The following ADGRL3 variants were observed in gnomAD, a reference collection of about 807,000 sequenced individuals.
ADGRL3 encodes adhesion G protein-coupled receptor L3, also known as calcium-independent alpha-latrotoxin receptor 3.
A neutral mutation model predicts 153.5 loss-of-function variants in ADGRL3; 62 were observed. The observed-to-expected ratio is 0.40, with a 90% CI of 0.33 to 0.50. The LOEUF (loss-of-function observed/expected upper bound fraction) is 0.50, where lower values mean the gene tolerates loss of function less well. Ranked by LOEUF, ADGRL3 falls within the 20% of genes least tolerant of loss-of-function variation. ADGRL3 has a pLI of 0.47. For synonymous variants in ADGRL3, 710 were observed against 672.5 expected (o/e 1.06, Z -0.86); for missense variants, 1,641 against 1,859.4 (o/e 0.88, Z 2.16).
intron 3 of ADGRL3, among the ~76,000 whole-genome samples, chr4:61,510,816 T>G (rs1430766834): frequency 4.6e-5 from 7 of 152,148 alleles, no homozygotes; most frequent in Admixed American, 4.6e-4. Context: ...GATAGTTTGG[T>G]AGGAATAGCA....
chr4:61,681,018 T>C (rs142215071), intron 6 of ADGRL3, among the ~76,000 whole-genome samples: 2 of 152,254 alleles, frequency 1.3e-5, no homozygotes, highest in African/African-American at 4.8e-5. Context: ...TCTTCCTTAG[T>C]GGATATTTTC....
At chr4:61,714,086 T>C (rs1272635447) in intron 6 of ADGRL3, among the ~76,000 whole-genome samples, 1 of 152,134 alleles carries the variant, frequency 6.6e-6, no homozygotes, top group African/African-American at 2.4e-5. Context: ...GCTACAATTC[T>C]TTTCTGCACT....
intron 17 of ADGRL3, among the ~76,000 whole-genome samples, chr4:61,978,338 T>TA (rs11297140): frequency 0.016 from 2,318 of 149,510 alleles, 66 homozygotes; most frequent in African/African-American, 0.053. Flanking sequence ...GCTTGCTTTT[T>TA]AAAAAAAAAA....
chr4:61,437,404 A>C (rs1487172556), intron 2 of ADGRL3, among the ~76,000 whole-genome samples: 1 of 152,158 alleles, frequency 6.6e-6, no homozygotes, highest in Non-Finnish European at 1.5e-5. Flanking sequence ...GACACTTTGC[A>C]TTATTTCCTT....
At chr4:61,404,808 C>T (rs2096973187) in intron 2 of ADGRL3, among the ~76,000 whole-genome samples, 1 of 151,938 alleles carries the variant, frequency 6.6e-6, no homozygotes, top group Non-Finnish European at 1.5e-5. Context: ...CAAAAAGTGT[C>T]AGAGTCGTGG....
intron 7 of ADGRL3, among the ~76,000 whole-genome samples, chr4:61,731,844 A>G (rs936189303): frequency 7.2e-5 from 11 of 152,152 alleles, no homozygotes; most frequent in African/African-American, 2.7e-4. Context: ...TGAATCAGCC[A>G]GGCTTTCTTA....
At chr4:61,424,405 G>A (rs1203070004) in intron 2 of ADGRL3, among the ~76,000 whole-genome samples, 1 of 151,980 alleles carries the variant, frequency 6.6e-6, no homozygotes, top group Non-Finnish European at 1.5e-5. Context: ...TGGCACCCTG[G>A]ACCCATAGGC....
intron 8 of ADGRL3, among the ~76,000 whole-genome samples, chr4:61,738,456 C>G (rs778477857): frequency 2.6e-5 from 4 of 152,138 alleles, no homozygotes; most frequent in African/African-American, 7.2e-5. Context: ...ATTGCAGGGT[C>G]AGATGGTAGT....
intron 21 of ADGRL3, among the ~76,000 whole-genome samples, chr4:62,020,261 T>G (rs1312486396): frequency 6.6e-6 from 1 of 152,184 alleles, no homozygotes; most frequent in Non-Finnish European, 1.5e-5. Flanking sequence ...TTTCTTGACT[T>G]ATTTTACTTA....
intron 4 of ADGRL3, among the ~76,000 whole-genome samples, chr4:61,548,018 T>C (rs145035155): frequency 0.023 from 3,506 of 152,022 alleles, 113 homozygotes; most frequent in African/African-American, 0.078. Context: ...TTTTTTCATA[T>C]GCTTGTTGAT....
chr4:61,832,033 G>A (rs2097876998), intron 9 of ADGRL3, among the ~76,000 whole-genome samples: 5 of 152,074 alleles, frequency 3.3e-5, no homozygotes, highest in Admixed American at 3.3e-4. Context: ...GATGCATTTG[G>A]CAGTGTAGAG....
intron 2 of ADGRL3, chr4:61,420,387 G>T (rs948021309): frequency 1.5e-4 from 21 of 139,112 alleles, no homozygotes; most frequent in Non-Finnish European, 2.6e-4. Flanking sequence ...TAAAATATTT[G>T]CCCCAAAGGA....
chr4:61,961,797 C>CATAGAAAG (rs1342260073), intron 17 of ADGRL3, among the ~76,000 whole-genome samples: 4 of 152,042 alleles, frequency 2.6e-5, no homozygotes, highest in Non-Finnish European at 4.4e-5. Flanking sequence ...TAAAATTATT[C>CATAGAAAG]ATAGAAAGAG....
chr4:61,774,623 C>G (rs775371419), intron 8 of ADGRL3, among the ~76,000 whole-genome samples: 3 of 151,574 alleles, frequency 2.0e-5, no homozygotes, highest in Non-Finnish European at 4.4e-5. Context: ...GATCAGGAAC[C>G]AATACTATGT....
At chr4:61,459,345 G>A (rs530313837) in intron 2 of ADGRL3, among the ~76,000 whole-genome samples, 23 of 151,886 alleles carry the variant, frequency 1.5e-4, no homozygotes, top group Admixed American at 3.3e-4. Context: ...TAAAATAATA[G>A]GACATTTAAT....
chr4:61,488,106 G>A (rs919154461), intron 2 of ADGRL3, among the ~76,000 whole-genome samples: 7 of 151,898 alleles, frequency 4.6e-5, no homozygotes, highest in Non-Finnish European at 1.5e-5. Context: ...TAATAGATGT[G>A]CTGCTCTAAA....
intron 2 of ADGRL3, among the ~76,000 whole-genome samples, chr4:61,410,777 G>A (rs970647356): frequency 6.6e-6 from 1 of 152,154 alleles, no homozygotes; most frequent in Non-Finnish European, 1.5e-5. Flanking sequence ...CCTGAGCCAA[G>A]GAGTCACCTC....
chr4:61,278,097 T>C (rs978382419), intron 1 of ADGRL3, among the ~76,000 whole-genome samples: 1 of 152,174 alleles, frequency 6.6e-6, no homozygotes, highest in Non-Finnish European at 1.5e-5. Context: ...CCCTGGATCT[T>C]GATACTTAAA....
chr4:61,414,711 A>T (rs2097127399), intron 2 of ADGRL3, among the ~76,000 whole-genome samples: 1 of 151,844 alleles, frequency 6.6e-6, no homozygotes, highest in Admixed American at 6.6e-5. Flanking sequence ...TCAAAGAGGT[A>T]TATTTCTGGT....
Sources: allele counts gnomAD v4.1 joint callset (sites outside exome capture counted in the v4.1 genomes callset), GRCh38; gene constraint gnomAD v4.1.1; transcripts MANE v1.5; gene names NCBI Gene and HGNC (gene_info 2026-07-23, HGNC 2026-07-21).